PDZRN4: variants seen among roughly 807,000 people sequenced by gnomAD.
PDZRN4 encodes PDZ domain-containing RING finger protein 4.
PDZRN4 carries 70 observed loss-of-function variants against 99.0 expected under a neutral mutation model. The ratio of observed to expected loss-of-function variants is 0.71; its 90% CI spans 0.58 to 0.86. The LOEUF (loss-of-function observed/expected upper bound fraction) is 0.86, where lower values mean the gene tolerates loss of function less well. PDZRN4 is among the 40% of genes least tolerant of loss of function. PDZRN4 has a pLI of 0.00. For missense variants in PDZRN4, 1,474 were observed against 1,331.2 expected (o/e 1.11, Z -1.67); for synonymous variants, 551 against 501.6 (o/e 1.10, Z -1.32).
intron 3 of PDZRN4, among the ~76,000 whole-genome samples, chr12:41,254,168 CAAAGGAA>C (rs1363856418): frequency 6.6e-6 from 1 of 151,428 alleles, no homozygotes; most frequent in Non-Finnish European, 1.5e-5. Flanking sequence ...AAAACTATTT[CAAAGGAA>C]AAAGGAAAAA....
intron 3 of PDZRN4, among the ~76,000 whole-genome samples, chr12:41,379,785 G>A (rs1952109752): frequency 6.6e-6 from 1 of 151,636 alleles, no homozygotes; most frequent in African/African-American, 2.4e-5. Flanking sequence ...CTTTCCTATG[G>A]AATATTTTAT....
chr12:41,545,422 G>A (rs150274382), intron 5 of PDZRN4, among the ~76,000 whole-genome samples: 48 of 152,050 alleles, frequency 3.2e-4, no homozygotes, highest in African/African-American at 1.1e-3. Context: ...TTCAAAATTT[G>A]CTGGATTCTT....
At chr12:41,205,058 A>G (rs991484133) in intron 3 of PDZRN4, among the ~76,000 whole-genome samples, 1 of 151,928 alleles carries the variant, frequency 6.6e-6, no homozygotes, top group Non-Finnish European at 1.5e-5. Context: ...TAAGATAAAA[A>G]TGAATTACTA....
At chr12:41,264,668 A>C (rs1031458460) in intron 3 of PDZRN4, among the ~76,000 whole-genome samples, 1 of 152,224 alleles carries the variant, frequency 6.6e-6, no homozygotes, top group Non-Finnish European at 1.5e-5. Flanking sequence ...GCTGTAAAAT[A>C]AATTATTCTA....
At chr12:41,520,408 A>C (rs1938473236) in intron 5 of PDZRN4, among the ~76,000 whole-genome samples, 1 of 152,076 alleles carries the variant, frequency 6.6e-6, no homozygotes, top group Non-Finnish European at 1.5e-5. Context: ...TGATTGAAGC[A>C]ATGACTAAAT....
intron 3 of PDZRN4, chr12:41,413,081 C>T (rs1294779468): frequency 1.5e-5 from 2 of 133,866 alleles, no homozygotes; most frequent in African/African-American, 5.9e-5. Context: ...CAGAGTGAGA[C>T]TCCATCTGAA....
intron 3 of PDZRN4, among the ~76,000 whole-genome samples, chr12:41,464,741 G>C (rs982445704): frequency 6.6e-6 from 1 of 151,280 alleles, no homozygotes; most frequent in Admixed American, 6.6e-5. Flanking sequence ...GACATTATGT[G>C]ACAACTAGAG....
At chr12:41,279,648 T>C (rs1951370916) in intron 3 of PDZRN4, among the ~76,000 whole-genome samples, 1 of 152,210 alleles carries the variant, frequency 6.6e-6, no homozygotes, top group African/African-American at 2.4e-5. Flanking sequence ...GAAATGTGAA[T>C]TTCCTTAAAA....
chr12:41,323,197 C>A (rs562252272), intron 3 of PDZRN4, among the ~76,000 whole-genome samples: 1 of 152,114 alleles, frequency 6.6e-6, no homozygotes, highest in Admixed American at 6.5e-5. Context: ...GTTGCAGCTT[C>A]AAATTGACAG....
intron 3 of PDZRN4, among the ~76,000 whole-genome samples, chr12:41,404,171 T>C (rs73274487): frequency 0.022 from 3,414 of 152,290 alleles, 154 homozygotes; most frequent in African/African-American, 0.075. Context: ...AATTTTTGTA[T>C]TGTTATTTTT....
chr12:41,544,294 A>T (rs1487349293), intron 5 of PDZRN4, among the ~76,000 whole-genome samples: 1 of 152,242 alleles, frequency 6.6e-6, no homozygotes, highest in Non-Finnish European at 1.5e-5. Context: ...GTTGGCAGAG[A>T]TAAGAGACTG....
intron 3 of PDZRN4, 46 bp from the exon 4 acceptor site, chr12:41,506,410 C>A (rs1354441778): frequency 1.3e-6 from 2 of 1,543,022 alleles, no homozygotes; most frequent in Non-Finnish European, 1.8e-6. Flanking sequence ...ATGACAGCCT[C>A]TCTGATCTTT....
At chr12:41,458,549 G>T (rs186676295) in intron 3 of PDZRN4, among the ~76,000 whole-genome samples, 295 of 152,278 alleles carry the variant, frequency 1.9e-3, no homozygotes, top group African/African-American at 5.9e-3. Flanking sequence ...ATAAGGGAGG[G>T]TTACTATTAA....
intron 3 of PDZRN4, among the ~76,000 whole-genome samples, chr12:41,276,437 A>T (rs1951350385): frequency 6.6e-6 from 1 of 151,758 alleles, no homozygotes; most frequent in Non-Finnish European, 1.5e-5. Flanking sequence ...AGACCTGGGG[A>T]TTATTTTATA....
Position 41,431,756 on chromosome 12 carries a change from A to AAAT in PDZRN4, c.844-74699_844-74697dup, listed in dbSNP as rs1952588043. Among the ~76,000 whole-genome samples the AAAT allele has an allele frequency of 2.0e-5, 3 of 152,240 alleles. No homozygotes were observed. The South Asian group carries it at 6.2e-4, about 31-fold the overall frequency. ...CATTCTGCAAGCAATAACTAAATGC[A>AAAT]AATTGAAGATGTTCAACTAGTGAAC... On this transcript the variant is annotated intron_variant, in intron 3 of 9. Coordinates refer to ENST00000402685, the MANE Select transcript of PDZRN4 (RefSeq NM_001164595.2).
chr12:41,557,066 G>T (rs12426132), intron 7 of PDZRN4, among the ~76,000 whole-genome samples: 1 of 148,086 alleles, frequency 6.8e-6, no homozygotes, highest in South Asian at 2.1e-4. Flanking sequence ...CAGGAGAATC[G>T]CTTGAACCCG....
Position 41,188,346 on chromosome 12 carries a change from T to G in PDZRN4, c.-110T>G. 9.5e-7 allele frequency: 1 copy of G among 1,054,088 alleles called. No homozygotes were observed. Among genetic ancestry groups the G allele is most frequent in the Non-Finnish European group, 1.3e-6 (1 of 757,176 alleles). 65.3% of individuals were successfully genotyped at this position (1,054,088 alleles called of 1,614,324 possible). A position where few individuals can be genotyped will look rare whatever the true frequency, so the allele number is the denominator to read the frequency against. Reference sequence around the variant, plus strand: ...TCACACCTCCCACCCGCCACCTCCCTCCACTGCCGCCGCCGCGAGACGGCT... The same window carrying G: ...TCACACCTCCCACCCGCCACCTCCCGCCACTGCCGCCGCCGCGAGACGGCT... On this transcript the variant is annotated 5_prime_UTR_variant, in exon 1 of 10. Transcript: ENST00000402685.
intron 3 of PDZRN4, among the ~76,000 whole-genome samples, chr12:41,454,152 G>GT (rs1952799103): frequency 6.6e-6 from 1 of 152,008 alleles, no homozygotes; most frequent in African/African-American, 2.4e-5. Flanking sequence ...GATTTTGGAA[G>GT]GCTCAATCTT....
At chr12:41,239,133 A>G (rs2120778149) in intron 3 of PDZRN4, among the ~76,000 whole-genome samples, 1 of 152,358 alleles carries the variant, frequency 6.6e-6, no homozygotes, top group East Asian at 1.9e-4. Flanking sequence ...GTATGCAGCC[A>G]TAAAAAGGAA....
Sources: gnomAD v4.1 joint callset for allele counts (sites outside exome capture counted in the v4.1 genomes callset) on GRCh38, gnomAD v4.1.1 for gene constraint, MANE v1.5 for transcripts, NCBI Gene and HGNC (gene_info 2026-07-23, HGNC 2026-07-21) for gene names.